The following ING3 variants were observed in gnomAD, a reference collection of about 807,000 sequenced individuals.
ING3 encodes inhibitor of growth family member 3, also known as inhibitor of growth protein 3.
In ING3, 6 loss-of-function variants were observed where a neutral mutation model predicts 64.8. The observed-to-expected ratio is 0.09, with a 90% CI of 0.05 to 0.18. ING3 has a LOEUF of 0.18. Among genes scored for constraint, ING3 ranks in the 10% least tolerant of loss-of-function variants. The pLI is 1.00. For missense variants in ING3, 310 were observed against 489.7 expected (o/e 0.63, Z 3.46); for synonymous variants, 170 against 173.7 (o/e 0.98, Z 0.17).
In ING3 at chr7:120,973,278, A is replaced by G. The variant is rs928609237; in HGVS notation, c.1140+35A>G. 3 of 1,358,178 alleles carry G rather than the reference A, an allele frequency of 2.2e-6. No individual in the cohort carries two copies. The African/African-American group carries it at 4.3e-5, about 20-fold the overall frequency. 84.1% of individuals were successfully genotyped at this position (1,358,178 alleles called of 1,614,324 possible). ...ACATTTTTCTATTTAGGAATGAAAAAAATCACAGGTTGTTATTACTTGAAT... is the reference window on the plus strand; with the variant it reads ...ACATTTTTCTATTTAGGAATGAAAAGAATCACAGGTTGTTATTACTTGAAT... On this transcript the variant is annotated intron_variant, in intron 11 of 11. Transcript: ENST00000315870.
intron 4 of ING3, chr7:120,956,196 G>T (rs757914810): frequency 7.5e-6 from 12 of 1,608,320 alleles, no homozygotes; most frequent in Non-Finnish European, 1.0e-5. Flanking sequence ...CAAGAAGATA[G>T]ATAGAATATT....
At chr7:120,963,471 G>T (rs371330692) in intron 4 of ING3, among the ~76,000 whole-genome samples, 10 of 151,862 alleles carry the variant, frequency 6.6e-5, no homozygotes, top group African/African-American at 2.4e-4. Flanking sequence ...TTTTCTGCAT[G>T]CAGAAAGTTC....
At chr7:120,961,472 A>C (rs1253038782) in intron 4 of ING3, among the ~76,000 whole-genome samples, 1 of 152,230 alleles carries the variant, frequency 6.6e-6, no homozygotes, top group Admixed American at 6.5e-5. Context: ...TATTGGAAGC[A>C]GTAGATCATG....
intron 4 of ING3, among the ~76,000 whole-genome samples, chr7:120,957,228 C>A (rs1317294014): frequency 6.6e-6 from 1 of 151,998 alleles, no homozygotes; most frequent in East Asian, 1.9e-4. Flanking sequence ...AAATATTAGC[C>A]GGGCCTGGTG....
chr7:120,957,279 G>A (rs1014409401), intron 4 of ING3, among the ~76,000 whole-genome samples: 22 of 152,242 alleles, frequency 1.4e-4, no homozygotes, highest in African/African-American at 5.3e-4. Context: ...GGCCGAGACA[G>A]GAGAATGGCG....
chr7:120,966,207 T>G (rs574060815), intron 5 of ING3, among the ~76,000 whole-genome samples: 2 of 152,276 alleles, frequency 1.3e-5, no homozygotes, highest in South Asian at 4.1e-4. Context: ...TCAAATAATT[T>G]TTTTCATATA....
intron 3 of ING3, 112 bp downstream of exon 3, chr7:120,953,516 C>G (rs1795798952): frequency 3.1e-6 from 2 of 643,274 alleles, no homozygotes; most frequent in East Asian, 3.0e-5. Flanking sequence ...TTATCAATGA[C>G]TCCTTAGAAT....
intron 9 of ING3, among the ~76,000 whole-genome samples, chr7:120,970,214 C>G (rs921110675): frequency 2.0e-5 from 3 of 151,892 alleles, no homozygotes; most frequent in Non-Finnish European, 2.9e-5. Context: ...GCCTATAATC[C>G]CAGCACTTTG....
At chr7:120,951,094 ACG>A in intron 1 of ING3, 68 bp from the exon 2 acceptor site, 3 of 1,571,910 alleles carry the variant, frequency 1.9e-6, no homozygotes, top group Non-Finnish European at 1.7e-6. Context: ...CCCCTGACGC[ACG>A]CGCGCAGTGA....
intron 4 of ING3, among the ~76,000 whole-genome samples, chr7:120,957,350 C>T (rs1051126852): frequency 2.7e-5 from 4 of 149,144 alleles, no homozygotes; most frequent in African/African-American, 5.0e-5. Flanking sequence ...CCAGCCTGGG[C>T]GACAGAGAGC....
In ING3 at chr7:120,969,020, G is replaced by A; in HGVS notation, c.724G>A (p.Gly242Arg). The change falls in exon 9 of 12, where the codon GGA becomes AGA. Residue 242 changes from glycine to arginine, a missense_variant. Physicochemically the swap from Gly to Arg is moderately radical, Grantham distance 125. This residue lies in a region of ING3 where 233 missense variants were observed against 289.4 expected (regional missense o/e 0.81). Transcript: ENST00000315870. ...TGAATGTCTATTTAAGATGAAGGAGGGACGAAGAACATCAAGTTTAAAAGC... is the reference window on the plus strand; with the variant it reads ...TGAATGTCTATTTAAGATGAAGGAGAGACGAAGAACATCAAGTTTAAAAGC... The part of the protein sequence containing the change: ...AVQATAQMKE[G>R]RRTSSLKASY... 2.5e-6 allele frequency: 4 copies of A among 1,608,178 alleles called. No homozygotes were observed. Among genetic ancestry groups the A allele is most frequent in the East Asian group, 2.2e-5 (1 of 44,694 alleles).
chr7:120,953,035 TTATAG>T (rs1411055991), intron 2 of ING3, among the ~76,000 whole-genome samples: 2 of 152,162 alleles, frequency 1.3e-5, no homozygotes, highest in Non-Finnish European at 2.9e-5. Flanking sequence ...TGCTCAAAAA[TTATAG>T]TATAGAGCCT....
chr7:120,962,039 G>A (rs1045737043), intron 4 of ING3, among the ~76,000 whole-genome samples: 2 of 152,194 alleles, frequency 1.3e-5, no homozygotes, highest in Admixed American at 1.3e-4. Flanking sequence ...TGATCAGCTA[G>A]AAGAGGTGCT....
rs1796122158 is a variant in ING3 at position 120,975,422 on chromosome 7, A to G, written c.*578A>G. 1 of 149,988 alleles carries G rather than the reference A, an allele frequency of 6.7e-6. No individual in the cohort carries two copies. The highest frequency in any genetic ancestry group is 2.4e-5 in the African/African-American group (1 of 41,002). The allele number at this position is 149,988 out of a possible 1,614,324, so 9.3% of individuals were successfully genotyped here. ...GTGATAATGTGGGCTGGTATCCTCTAGAGTACCTGGGTACATAAACAGAAA... is the reference window on the plus strand; with the variant it reads ...GTGATAATGTGGGCTGGTATCCTCTGGAGTACCTGGGTACATAAACAGAAA... On this transcript the variant is annotated 3_prime_UTR_variant, in exon 12 of 12. Coordinates refer to ENST00000315870, the MANE Select transcript of ING3 (RefSeq NM_019071.3).
rs1221560654 is a variant in ING3 at position 120,967,937 on chromosome 7, G to T, written c.560G>T (p.Cys187Phe). 1 of 1,613,930 alleles carries T rather than the reference G, an allele frequency of 6.2e-7. No individual in the cohort carries two copies. ...TTTCTTTTTTACATCTACACAGGTTGTCGAAATAATAATTCCACAGCCTCT... is the reference window on the plus strand; with the variant it reads ...TTTCTTTTTTACATCTACACAGGTTTTCGAAATAATAATTCCACAGCCTCT... ...SDASKENTLG[C>F]RNNNSTASSN... The change falls in exon 8 of 12, where the codon TGT (cysteine) becomes TTT (phenylalanine). Residue 187 changes from cysteine (C) to phenylalanine (F), a missense_variant. By Grantham distance (205) the Cys-to-Phe change is radical. Around this residue, in one of 3 missense-constraint regions of ING3, gnomAD observed 233 missense variants for 289.4 expected, o/e 0.81. Transcript: ENST00000315870.
chr7:120,974,731 C>G lies in ING3; in HGVS notation c.1144C>G (p.Pro382Ala). ...TTTTTGCAATTTTGCTTTCTAGTGC[C>G]CTATAGAATGGTTCCATTATGGCTG... ...EMVGCDNQDC[P>A]IEWFHYGCVG... is the part of the protein sequence containing the mutation. Residue 382 changes from proline to alanine, a missense_variant, in exon 12 of 12, where the codon CCT becomes GCT. Physicochemically the swap from Pro to Ala is conservative, Grantham distance 27. Around this residue, in one of 3 missense-constraint regions of ING3, gnomAD observed 24 missense variants for 84.1 expected, o/e 0.29. Transcript: ENST00000315870. 1 of 1,610,036 alleles carries G rather than the reference C, an allele frequency of 6.2e-7. No individual in the cohort carries two copies. Among genetic ancestry groups the G allele is most frequent in the Non-Finnish European group, 8.5e-7 (1 of 1,177,020 alleles).
At chr7:120,953,269 G>C (rs769374236) in intron 2 of ING3, 35 bp from the exon 3 acceptor site, 9 of 1,277,222 alleles carry the variant, frequency 7.0e-6, no homozygotes, top group Non-Finnish European at 1.0e-5. Flanking sequence ...TATGAATTTG[G>C]TCATTTAATA....
chr7:120,966,871 C>T (rs987514802), intron 6 of ING3, among the ~76,000 whole-genome samples, 174 bp downstream of exon 6: 1 of 151,754 alleles, frequency 6.6e-6, no homozygotes, highest in African/African-American at 2.4e-5. Flanking sequence ...ATATGTGATT[C>T]GGAAATGAGT....
At chr7:120,961,207 A>G (rs770210980) in intron 4 of ING3, among the ~76,000 whole-genome samples, 1 of 152,242 alleles carries the variant, frequency 6.6e-6, no homozygotes, top group Non-Finnish European at 1.5e-5. Context: ...TCAGCATAAC[A>G]ATAGGTCACA....
Sources: gnomAD v4.1 joint callset for allele counts (sites outside exome capture counted in the v4.1 genomes callset) on GRCh38, gnomAD v4.1.1 for gene constraint, gnomAD v4.1.1 regional missense constraint, MANE v1.5 for transcripts, NCBI Gene and HGNC (gene_info 2026-07-23, HGNC 2026-07-21) for gene names.